The following TSPAN18 variants were observed in gnomAD, a reference collection of about 807,000 sequenced individuals.
The protein encoded by TSPAN18 is tetraspanin-18.
TSPAN18 carries 14 observed loss-of-function variants against 27.3 expected under a neutral mutation model. The ratio of observed to expected loss-of-function variants is 0.51; its 90% CI spans 0.34 to 0.80. The LOEUF (loss-of-function observed/expected upper bound fraction) is 0.80. TSPAN18 is among the 30% of genes least tolerant of loss of function. The pLI, the probability that TSPAN18 is intolerant of heterozygous loss-of-function variation, is 0.01. For missense variants in TSPAN18, 268 were observed against 323.9 expected, an observed-to-expected ratio of 0.83 and a Z score of 1.32; for synonymous variants, 143 against 136.5, an observed-to-expected ratio of 1.05 and a Z score of -0.33.
chr11:44,810,595 AT>A (rs1387722055), intron 2 of TSPAN18, among the ~76,000 whole-genome samples: 3 of 139,764 alleles, frequency 2.1e-5, no homozygotes, highest in Non-Finnish European at 4.6e-5. Flanking sequence ...CCTGTTTTCA[AT>A]TTTTTTTCTT....
rs1218960073 is a variant in TSPAN18 at position 44,910,029 on chromosome 11, A to T, written c.258+130A>T. ...CCAAACTGGGGCGGGCTGTCAAAGC[A>T]GAAGGGATCATGGAGATGAGCACGT... On this transcript the variant is annotated intron_variant, in intron 5 of 9. Coordinates refer to ENST00000520358, the MANE Select transcript of TSPAN18 (RefSeq NM_130783.5). 5.3e-6 allele frequency: 6 copies of T among 1,132,680 alleles called. No homozygotes were observed. The African/African-American group carries it at 9.4e-5, about 18-fold the overall frequency. The allele number at this position is 1,132,680 out of a possible 1,614,324, so 70.2% of individuals were successfully genotyped here. A position where few individuals can be genotyped will look rare whatever the true frequency, so the allele number is the denominator to read the frequency against.
At chr11:44,748,216 T>A (rs1351358966) in intron 1 of TSPAN18, among the ~76,000 whole-genome samples, 9 of 152,202 alleles carry the variant, frequency 5.9e-5, no homozygotes, top group African/African-American at 2.2e-4. Flanking sequence ...GAAGCCAGCC[T>A]GGCCAACATG....
intron 1 of TSPAN18, among the ~76,000 whole-genome samples, chr11:44,728,971 C>G (rs1854585901): frequency 6.6e-6 from 1 of 152,202 alleles, no homozygotes; most frequent in African/African-American, 2.4e-5. Flanking sequence ...GTAACCTGTG[C>G]TCCTTGGGCA....
chr11:44,826,443 A>G (rs1447150433), intron 2 of TSPAN18, among the ~76,000 whole-genome samples: 1 of 152,024 alleles, frequency 6.6e-6, no homozygotes, highest in African/African-American at 2.4e-5. Flanking sequence ...GAAAAGAAAA[A>G]AGTTTGCATT....
chr11:44,751,736 G>A (rs752044432), intron 1 of TSPAN18, among the ~76,000 whole-genome samples: 42 of 151,996 alleles, frequency 2.8e-4, no homozygotes, highest in Non-Finnish European at 5.3e-4. Context: ...AGACCAGCCT[G>A]GCCAACGTGG....
At chr11:44,742,839 C>T (rs1429849737) in intron 1 of TSPAN18, among the ~76,000 whole-genome samples, 2 of 152,246 alleles carry the variant, frequency 1.3e-5, no homozygotes, top group Non-Finnish European at 2.9e-5. Flanking sequence ...CTCCCATTGA[C>T]AGAGACCCTT....
intron 3 of TSPAN18, among the ~76,000 whole-genome samples, chr11:44,896,581 G>A (rs1291142032): frequency 2.0e-5 from 3 of 152,112 alleles, no homozygotes; most frequent in African/African-American, 7.2e-5. Flanking sequence ...CGGGGCTGTG[G>A]CCATGTCTCA....
chr11:44,840,737 G>T (rs1421120533), intron 2 of TSPAN18, among the ~76,000 whole-genome samples: 1 of 152,196 alleles, frequency 6.6e-6, no homozygotes, highest in African/African-American at 2.4e-5. Flanking sequence ...TTTCAGGCAG[G>T]AAACCTTAAC....
chr11:44,748,038 C>T (rs755618765), intron 1 of TSPAN18, among the ~76,000 whole-genome samples: 9 of 152,168 alleles, frequency 5.9e-5, no homozygotes, highest in East Asian at 3.8e-4. Flanking sequence ...TGATATGGGC[C>T]GAGTCACTCA....
chr11:44,767,167 C>T (rs754064096), intron 2 of TSPAN18, among the ~76,000 whole-genome samples: 11 of 152,138 alleles, frequency 7.2e-5, no homozygotes, highest in Non-Finnish European at 1.6e-4. Context: ...TGTGTCAGCT[C>T]CCTGTCCTGA....
intron 2 of TSPAN18, among the ~76,000 whole-genome samples, chr11:44,855,551 T>G (rs1401725602): frequency 6.6e-6 from 1 of 152,190 alleles, no homozygotes; most frequent in Non-Finnish European, 1.5e-5. Context: ...GGGAGGGAAC[T>G]GAGGCCCAGA....
intron 3 of TSPAN18, among the ~76,000 whole-genome samples, chr11:44,862,497 G>C (rs1303514369): frequency 3.3e-5 from 5 of 152,180 alleles, no homozygotes; most frequent in Non-Finnish European, 5.9e-5. Context: ...GCCTTATATG[G>C]TGAGCTCAGC....
chr11:44,811,460 A>ATT (rs11326558), intron 2 of TSPAN18, among the ~76,000 whole-genome samples: 1 of 132,692 alleles, frequency 7.5e-6, no homozygotes, highest in African/African-American at 2.8e-5. Context: ...ACATTTTAGG[A>ATT]TTTTTTTTTT....
chr11:44,909,642 C>A, intron 4 of TSPAN18, 63 bp from the exon 5 acceptor site: 2 of 1,539,208 alleles, frequency 1.3e-6, no homozygotes, highest in Non-Finnish European at 1.8e-6. Flanking sequence ...AGTGGTGGGT[C>A]AGAAGTGCCT....
chr11:44,875,945 T>G (rs1858319530), intron 3 of TSPAN18, among the ~76,000 whole-genome samples: 2 of 152,172 alleles, frequency 1.3e-5, no homozygotes. Context: ...CACAGAGCTA[T>G]TCAGTGGCAA....
intron 5 of TSPAN18, among the ~76,000 whole-genome samples, chr11:44,911,570 C>G (rs576373420): frequency 1.3e-5 from 2 of 152,060 alleles, no homozygotes; most frequent in East Asian, 3.9e-4. Flanking sequence ...CTGGGGAGCC[C>G]GAGGGGACTT....
At chr11:44,925,515 G>A (rs879821217) in intron 8 of TSPAN18, among the ~76,000 whole-genome samples, 7 of 152,166 alleles carry the variant, frequency 4.6e-5, no homozygotes, top group Non-Finnish European at 1.0e-4. Flanking sequence ...CCCAGATCAG[G>A]CCCTGCTGTC....
chr11:44,882,627 C>CACACACACACACACACAGAGAG (rs375349718), intron 3 of TSPAN18, among the ~76,000 whole-genome samples: 6 of 130,606 alleles, frequency 4.6e-5, no homozygotes, highest in Admixed American at 7.6e-5. Flanking sequence ...CACACACACA[C>CACACACACACACACACAGAGAG]AGAGAGAGAG....
At chr11:44,819,611 C>T (rs112868597) in intron 2 of TSPAN18, among the ~76,000 whole-genome samples, 15 of 152,222 alleles carry the variant, frequency 9.9e-5, no homozygotes, top group African/African-American at 3.4e-4. Flanking sequence ...TGCTCTTGGG[C>T]ACGGCAGTGG....
Sources: gnomAD v4.1 joint callset for allele counts (sites outside exome capture counted in the v4.1 genomes callset) on GRCh38, gnomAD v4.1.1 for gene constraint, MANE v1.5 for transcripts, NCBI Gene and HGNC (gene_info 2026-07-23, HGNC 2026-07-21) for gene names.